AKNA: variants seen among roughly 807,000 people sequenced by gnomAD.
AKNA encodes AT-hook transcription factor, also known as microtubule organization protein AKNA.
A neutral mutation model predicts 138.8 loss-of-function variants in AKNA; 67 were observed. The ratio of observed to expected loss-of-function variants is 0.48; its 90% CI spans 0.40 to 0.59. The LOEUF is 0.59. Among genes scored for constraint, AKNA ranks in the 20% least tolerant of loss-of-function variants. The probability of loss-of-function intolerance (pLI) is 0.00; values close to 1 mark genes in which losing one functional copy is unlikely to be tolerated. For missense variants in AKNA, 1,813 were observed against 1,880.4 expected, an observed-to-expected ratio of 0.96 and a Z score of 0.66; for synonymous variants, 737 against 754.4, an observed-to-expected ratio of 0.98 and a Z score of 0.38.
At chr9:114,341,954 C>T in intron 20 of AKNA, 55 bp downstream of exon 20, 3 of 1,531,502 alleles carry the variant, frequency 2.0e-6, no homozygotes, top group Middle Eastern at 1.7e-4. Context: ...TCTAATAACC[C>T]TGGTCAAGGA....
intron 14 of AKNA, among the ~76,000 whole-genome samples, 193 bp downstream of exon 14, chr9:114,355,732 C>T (rs572206164): frequency 1.3e-5 from 2 of 152,338 alleles, no homozygotes; most frequent in South Asian, 4.1e-4. Context: ...ACAGGTTCTA[C>T]ACCAAAACGT....
intron 6 of AKNA, among the ~76,000 whole-genome samples, chr9:114,366,204 C>T (rs923463564): frequency 4.0e-5 from 6 of 150,496 alleles, no homozygotes; most frequent in South Asian, 2.1e-4. Flanking sequence ...TGCTTGAACC[C>T]GGGAAGCGGA....
rs563788558 is a variant in AKNA at position 114,385,194 on chromosome 9, C to T, written c.-114+2666G>A. On this transcript the variant is annotated intron_variant, in intron 1 of 21. Coordinates refer to ENST00000374088, the MANE Select transcript of AKNA (RefSeq NM_001317950.2). ...AATAGAAGCTCTAATCCTTGCTTCT[C>T]ATACCTTCTGCAGGGCCTGTACCCT... Among the ~76,000 whole-genome samples, 11 of 152,326 alleles carry T rather than the reference C, an allele frequency of 7.2e-5. No individual in the cohort carries two copies. In the South Asian group the frequency reaches 2.1e-3, roughly 29 times the overall value.
Position 114,350,846 on chromosome 9 carries a change from G to T in AKNA, c.3221+13C>A. The T allele has an allele frequency of 6.5e-7, 1 of 1,532,540 alleles. No individual in the cohort carries two copies. The allele number at this position is 1,532,540 out of a possible 1,614,324, so 94.9% of individuals were successfully genotyped here. On this transcript the variant is annotated intron_variant, in intron 15 of 21. Transcript: ENST00000374088. ...ATGAGCTTGAATCCCCAGGATCCAA[G>T]TGTCTAACTTACTCTCGCCCTGCCC...
At chr9:114,346,091 G>A (rs1830666123) in intron 17 of AKNA, 82 bp from the exon 18 acceptor site, 3 of 1,420,400 alleles carry the variant, frequency 2.1e-6, no homozygotes, top group African/African-American at 2.8e-5. Context: ...CATGAGTTTA[G>A]GCTCTGGGGT....
upstream of AKNA, among the ~76,000 whole-genome samples, chr9:114,398,080 C>T (rs1190676224): frequency 6.6e-6 from 1 of 150,618 alleles, no homozygotes; most frequent in African/African-American, 2.4e-5. The surrounding 1 kb of genome is among the most constrained non-coding windows in gnomAD (Gnocchi z 4.2). Context: ...TCCCCCGGGA[C>T]CCCTCCCCTC....
rs1313419236 is a variant in AKNA, at chr9:114,341,402, G to C, written c.4067+131C>G. ...ACTATATGAGTGTTGGGCTCCTACT[G>C]CATGTTATCCACGCAGGGATAAAAC... is the stretch of plus-strand genomic sequence containing the variant. On this transcript the variant is annotated intron_variant, in intron 21 of 21. Transcript: ENST00000374088. 13 of 1,150,340 alleles carry C rather than the reference G, an allele frequency of 1.1e-5. No individual in the cohort carries two copies. The Admixed American group carries it at 3.0e-4, about 27-fold the overall frequency. 71.3% of individuals were successfully genotyped at this position (1,150,340 alleles called of 1,614,324 possible).
At chr9:114,362,256 C>G (rs1262433171) in intron 8 of AKNA, 150 bp downstream of exon 8, 1 of 1,265,262 alleles carries the variant, frequency 7.9e-7, no homozygotes, top group Non-Finnish European at 1.1e-6. Flanking sequence ...TTGATCGTGC[C>G]ACCATTTGGA....
Position 114,341,707 on chromosome 9 carries a change from G to A in AKNA, c.3893C>T (p.Thr1298Met), listed in dbSNP as rs140345797. The change falls in exon 21 of 22, where the codon ACG (threonine) becomes ATG (methionine). Residue 1298 changes from threonine to methionine, a missense_variant. Transcript: ENST00000374088. ...GGGAGTTGAAGATGCTTTTCTCCTC[G>A]TGGTGGCCTTCTCTGCCCCTATCAG... ...SATSGAEKAT[T>M]RRKASSTPSP... is the part of the protein sequence containing the mutation. 37 of 1,580,956 alleles carry A rather than the reference G, an allele frequency of 2.3e-5. No individual in the cohort carries two copies. The highest frequency in any genetic ancestry group is 2.2e-4 in the South Asian group (19 of 86,290).
chr9:114,371,635 G>A lies in AKNA; in HGVS notation c.1416+2458C>T, dbSNP rs961105497. Reference sequence around the variant, plus strand: ...GGCTGTGCCTTGGTGTGTGTGTGGAGGGGCTCAAATATGACCCTGAAGCTG... The same window carrying A: ...GGCTGTGCCTTGGTGTGTGTGTGGAAGGGCTCAAATATGACCCTGAAGCTG... On this transcript the variant is annotated intron_variant, in intron 4 of 21. Transcript: ENST00000374088. Among the ~76,000 whole-genome samples the A allele has an allele frequency of 5.9e-5, 9 of 152,214 alleles. No individual in the cohort carries two copies. In the South Asian group the frequency reaches 1.4e-3, roughly 24 times the overall value.
chr9:114,364,428 G>A, intron 7 of AKNA, 132 bp downstream of exon 7: 1 of 878,696 alleles, frequency 1.1e-6, no homozygotes. Flanking sequence ...CTCAGGAACT[G>A]TTTGCTCTAA....
chr9:114,346,710 C>T lies in AKNA; in HGVS notation c.3473G>A (p.Arg1158Lys). The T allele has an allele frequency of 6.2e-7, 1 of 1,612,942 alleles. No individual in the cohort carries two copies. The highest frequency in any genetic ancestry group is 8.5e-7 in the Non-Finnish European group (1 of 1,179,492). Residue 1158 changes from arginine (R) to lysine (K), a missense_variant, in exon 17 of 22, where the codon AGG (arginine) becomes AAG (lysine). Physicochemically the swap from Arg to Lys is conservative, Grantham distance 26. Transcript: ENST00000374088. ...CACCTCCCGAGGCACTGAGGAAGAC[C>T]TGGCTCGCTGCCTTCCTGGAGGGAC... The part of the protein sequence containing the change: ...QIVPPGRQRA[R>K]SSSVPREVLR...
In AKNA at chr9:114,377,395, C is replaced by T. The variant is rs1167205333; in HGVS notation, c.412G>A (p.Gly138Arg). ...TACCCCAACCTTGAGGAGCTCTCTCCAGCCTCCTCAACCTCCAGACTTCCG... is the reference window on the plus strand; with the variant it reads ...TACCCCAACCTTGAGGAGCTCTCTCTAGCCTCCTCAACCTCCAGACTTCCG... ...TLGSLEVEEA[G>R]ESSSRLGYEA... The change falls in exon 3 of 22, where the codon GGA becomes AGA. Residue 138 changes from glycine (G) to arginine (R), a missense_variant. Coordinates refer to ENST00000374088, the MANE Select transcript of AKNA (RefSeq NM_001317950.2). 1 of 1,613,914 alleles carries T rather than the reference C, an allele frequency of 6.2e-7. No homozygotes were observed. Among genetic ancestry groups the T allele is most frequent in the Admixed American group, 1.7e-5 (1 of 59,994 alleles).
intron 13 of AKNA, among the ~76,000 whole-genome samples, 167 bp from the exon 14 acceptor site, chr9:114,356,303 A>G (rs924047695): frequency 6.6e-6 from 1 of 152,178 alleles, no homozygotes; most frequent in Admixed American, 6.5e-5. Flanking sequence ...TAGATGCCCA[A>G]TTCTTTGTAA....
rs762301791 is a variant in AKNA at position 114,350,961 on chromosome 9, T to C, written c.3119A>G (p.Lys1040Arg). 15 of 1,613,456 alleles carry C rather than the reference T, an allele frequency of 9.3e-6. No individual in the cohort carries two copies. Among genetic ancestry groups the C allele is most frequent in the African/African-American group, 1.3e-5 (1 of 74,998 alleles). The change falls in exon 15 of 22, where the codon AAG becomes AGG. Residue 1040 changes from lysine to arginine, a missense_variant. Physicochemically the swap from Lys to Arg is conservative, Grantham distance 26. Coordinates refer to ENST00000374088, the MANE Select transcript of AKNA (RefSeq NM_001317950.2). Reference sequence around the variant, plus strand: ...GGGGGCTGGGGGTGGGCTGATTGTCTTGTTGGGAAGGGGCTGTTCAGAAAT... The same window carrying C: ...GGGGGCTGGGGGTGGGCTGATTGTCCTGTTGGGAAGGGGCTGTTCAGAAAT... ...KRISEQPLPN[K>R]TISPPPAPAP...
Position 114,358,040 on chromosome 9 carries a change from G to T in AKNA, c.2620C>A (p.Pro874Thr), listed in dbSNP as rs771977345. ...APPGPGVPPH[P>T]PGTKSAASHQ... ...GATGCTGCGGACTTGGTGCCTGGAG[G>T]GTGGGGTGGCACGCCAGGGCCTGGA... The change falls in exon 12 of 22, where the codon CCT (proline) becomes ACT (threonine). Residue 874 changes from proline (P) to threonine (T), a missense_variant. Pro to Thr is a conservative substitution (Grantham distance 38). Transcript: ENST00000374088. 1.2e-6 allele frequency: 2 copies of T among 1,611,098 alleles called. No homozygotes were observed. The highest frequency in any genetic ancestry group is 2.2e-5 in the South Asian group (2 of 90,884).
intron 1 of AKNA, among the ~76,000 whole-genome samples, chr9:114,386,322 G>A (rs1451257984): frequency 6.6e-6 from 1 of 152,234 alleles, no homozygotes; most frequent in African/African-American, 2.4e-5. Flanking sequence ...TTTAAGGTGG[G>A]CTTGAGAAAC....
At chr9:114,394,144 G>C (rs958767639) in intron 1 of AKNA, among the ~76,000 whole-genome samples, 1 of 151,490 alleles carries the variant, frequency 6.6e-6, no homozygotes, top group African/African-American at 2.4e-5. Flanking sequence ...CCCCACTCCA[G>C]CCTAGGCGAT....
At chr9:114,368,331 TC>T in intron 5 of AKNA, 107 bp downstream of exon 5, 1 of 1,229,310 alleles carries the variant, frequency 8.1e-7, no homozygotes, top group Non-Finnish European at 1.0e-6. Flanking sequence ...CCTCCCTCCT[TC>T]CCCTGGCCTG....
Sources: allele counts gnomAD v4.1 joint callset (sites outside exome capture counted in the v4.1 genomes callset), GRCh38; gene constraint gnomAD v4.1.1; non-coding constraint Gnocchi (gnomAD v3.1); transcripts MANE v1.5; gene names NCBI Gene and HGNC (gene_info 2026-07-23, HGNC 2026-07-21).